The following FHAD1 variants were observed in gnomAD, a reference collection of about 807,000 sequenced individuals.
FHAD1 encodes the protein forkhead associated phosphopeptide binding domain 1.
A neutral mutation model predicts 191.3 loss-of-function variants in FHAD1; 146 were observed. The ratio of observed to expected loss-of-function variants is 0.76; its 90% CI spans 0.67 to 0.88. The LOEUF (loss-of-function observed/expected upper bound fraction) is 0.88, where lower values mean the gene tolerates loss of function less well. FHAD1 is among the 40% of genes least tolerant of loss of function. The pLI is 0.00. For synonymous variants in FHAD1, 616 were observed against 672.3 expected (o/e 0.92, Z 1.29); for missense variants, 1,635 against 1,785.8 (o/e 0.92, Z 1.52).
intron 30 of FHAD1, 21 bp from the exon 31 acceptor site, chr1:15,382,007 C>CCATCTCT (rs1222714550): frequency 6.4e-7 from 1 of 1,550,708 alleles, no homozygotes; most frequent in Non-Finnish European, 8.7e-7. Context: ...AAAACAGACG[C>CCATCTCT]CATCTCTCCT....
chr1:15,271,011 C>T (rs1300871746), intron 2 of FHAD1, among the ~76,000 whole-genome samples: 2 of 151,874 alleles, frequency 1.3e-5, no homozygotes, highest in Non-Finnish European at 2.9e-5. Context: ...TGGTGGCAGG[C>T]GCCTGTAGTC....
intron 1 of FHAD1, among the ~76,000 whole-genome samples, chr1:15,247,947 C>G (rs989828087): frequency 1.3e-5 from 2 of 152,138 alleles, no homozygotes; most frequent in Non-Finnish European, 2.9e-5. Flanking sequence ...CAGAGTTTAA[C>G]GCATCTAATC....
At chr1:15,387,761 C>T (rs1236268075) in intron 31 of FHAD1, among the ~76,000 whole-genome samples, 6 of 152,048 alleles carry the variant, frequency 3.9e-5, no homozygotes, top group Non-Finnish European at 8.8e-5. Context: ...GGCACACGCC[C>T]GTAGTCGCAG....
chr1:15,398,408 C>G (rs1706641441), downstream of FHAD1, among the ~76,000 whole-genome samples: 1 of 152,146 alleles, frequency 6.6e-6, no homozygotes, highest in Non-Finnish European at 1.5e-5. Context: ...TAATCCTCCC[C>G]CTGCCCCTGG....
chr1:15,345,221 G>T, intron 17 of FHAD1, 31 bp downstream of exon 17: 3 of 1,522,660 alleles, frequency 2.0e-6, no homozygotes, highest in South Asian at 1.2e-5. Context: ...GAGTCAGCTC[G>T]AGCCCCACTG....
At chr1:15,340,201 A>C (rs1370488182) in intron 15 of FHAD1, among the ~76,000 whole-genome samples, 1 of 152,270 alleles carries the variant, frequency 6.6e-6, no homozygotes, top group Non-Finnish European at 1.5e-5. Context: ...CACAGGCAGC[A>C]GAATTACTAA....
rs537239376 is a variant in FHAD1 at position 15,352,858 on chromosome 1, C to T, written c.2455-19C>T. The T allele has an allele frequency of 2.1e-4, 322 of 1,543,010 alleles. No homozygotes were observed. The African/African-American group carries it at 3.7e-3, about 18-fold the overall frequency. ...CCTTTGAGGGCACAGGCCCTCAAAC[C>T]ACTTTCATTGACTTCCAGATCTCAG... is the stretch of plus-strand genomic sequence containing the variant. On this transcript the variant is annotated intron_variant, in intron 19 of 33. Transcript: ENST00000688493.
At chr1:15,314,638 GGTGTGTGGGGGT>G (rs2101248287) in intron 8 of FHAD1, 1 of 4,656 alleles carries the variant, frequency 2.1e-4, no homozygotes, top group South Asian at 9.6e-3. Flanking sequence ...GATGTATGTG[GGTGTGTGGGGGT>G]ATGGATGTGT....
chr1:15,395,207 G>A (rs555215431), intron 33 of FHAD1, among the ~76,000 whole-genome samples: 118 of 151,832 alleles, frequency 7.8e-4, no homozygotes, highest in Non-Finnish European at 1.4e-3. Context: ...CCAGGTACTC[G>A]GGAGGCTGAG....
chr1:15,244,906 A>C (rs1344136531), upstream of FHAD1, among the ~76,000 whole-genome samples: 3 of 152,334 alleles, frequency 2.0e-5, no homozygotes, highest in East Asian at 5.8e-4. The surrounding 1 kb of genome is among the most constrained non-coding windows in gnomAD (Gnocchi z 5.1). Context: ...TTTGGCTCAC[A>C]GTTCTGCAGG....
chr1:15,396,078 G>A lies in FHAD1; in HGVS notation c.4324-1219G>A, dbSNP rs2496308. 2.4e-3 allele frequency among the ~76,000 whole-genome samples: 364 copies of A among 152,344 alleles called. 1 individual carries two copies. Among genetic ancestry groups the A allele is most frequent in the African/African-American group, 8.2e-3 (343 of 41,578 alleles). On this transcript the variant is annotated intron_variant, in intron 33 of 33. Transcript: ENST00000688493. ...TAATCCCAGCACTTTGGGAGGCCAA[G>A]GAGAGCAGATCACTTGAGCCCAGGA...
intron 28 of FHAD1, among the ~76,000 whole-genome samples, chr1:15,376,060 T>C (rs1357344947): frequency 1.2e-5 from 1 of 85,790 alleles, no homozygotes; most frequent in Non-Finnish European, 2.4e-5. Context: ...TTTATTTATT[T>C]ATTTATTTAT....
chr1:15,353,806 A>G (rs1691777278), intron 20 of FHAD1, among the ~76,000 whole-genome samples: 1 of 151,912 alleles, frequency 6.6e-6, no homozygotes, highest in Admixed American at 6.6e-5. Context: ...TTTTCCCAGC[A>G]GAGTTTGTCA....
At chr1:15,246,141 GGAGA>G (rs532437235), upstream of FHAD1, among the ~76,000 whole-genome samples, 1 of 152,018 alleles carries the variant, frequency 6.6e-6, no homozygotes. Context: ...TGGTGTAGCA[GGAGA>G]GAGAGAGAGC....
At chr1:15,369,027 T>A (rs1697350631) in intron 25 of FHAD1, among the ~76,000 whole-genome samples, 1 of 151,980 alleles carries the variant, frequency 6.6e-6, no homozygotes, top group Non-Finnish European at 1.5e-5. Flanking sequence ...GTCTGTAAAA[T>A]GAGACAAGCA....
Position 15,329,589 on chromosome 1 carries a change from G to A in FHAD1, c.1906+48G>A, listed in dbSNP as rs528819440. The A allele has an allele frequency of 4.4e-5, 67 of 1,509,040 alleles. No homozygotes were observed. Among genetic ancestry groups the A allele is most frequent in the Middle Eastern group, 1.7e-4 (1 of 5,928 alleles). 93.5% of individuals were successfully genotyped at this position (1,509,040 alleles called of 1,614,324 possible). On this transcript the variant is annotated intron_variant, in intron 14 of 33. Transcript: ENST00000688493. This position sits in a 1 kb window ranked among gnomAD's most constrained non-coding sequence, Gnocchi z 5.0. ...CATGGTTGCATGACTCTAAAATGTC[G>A]CGTTGAATCTCAGCATGATGGGACA...
chr1:15,360,643 G>C lies in FHAD1; in HGVS notation c.2902G>C (p.Val968Leu), dbSNP rs1308697856. ...GAGCCTCGAAGAGAAACTCCAGAAAGTCACTCAGCACCATAAAAAAATAGA... is the reference window on the plus strand; with the variant it reads ...GAGCCTCGAAGAGAAACTCCAGAAACTCACTCAGCACCATAAAAAAATAGA... ...IVSLEEKLQK[V>L]TQHHKKIEGE... The change falls in exon 22 of 34, where the codon GTC (valine) becomes CTC (leucine). Residue 968 changes from valine to leucine, a missense_variant. Val to Leu is a conservative substitution (Grantham distance 32). Transcript: ENST00000688493. 2 of 1,551,958 alleles carry C rather than the reference G, an allele frequency of 1.3e-6. No homozygotes were observed. The highest frequency in any genetic ancestry group is 2.4e-5 in the South Asian group (2 of 84,058).
At position 15,272,462 on chromosome 1, in the gene FHAD1, C is replaced by T. The variant is rs1325830544; in HGVS notation, c.233C>T (p.Pro78Leu). The T allele has an allele frequency of 1.3e-6, 2 of 1,551,210 alleles. No homozygotes were observed. The highest frequency in any genetic ancestry group is 1.7e-6 in the Non-Finnish European group (2 of 1,147,008). Reference sequence around the variant, plus strand: ...CAAAACGTGGCTGTGAAGCTCATCCCTGGAGACATCCTGAGATTTGGGTCT... The same window carrying T: ...CAAAACGTGGCTGTGAAGCTCATCCTTGGAGACATCCTGAGATTTGGGTCT... ...HIQNVAVKLI[P>L]GDILRFGSAG... The change falls in exon 3 of 34, where the codon CCT (proline) becomes CTT (leucine). Residue 78 changes from proline to leucine, a missense_variant. Physicochemically the swap from Pro to Leu is moderately conservative, Grantham distance 98 (BLOSUM62 -3). Transcript: ENST00000688493.
rs944953257 is a variant in FHAD1 at position 15,301,145 on chromosome 1, T to G, written c.679-60T>G. 7.5e-6 allele frequency: 11 copies of G among 1,459,864 alleles called. No individual in the cohort carries two copies. In the Admixed American group the frequency reaches 1.1e-4, roughly 15 times the overall value. The allele number at this position is 1,459,864 out of a possible 1,614,324, so 90.4% of individuals were successfully genotyped here. ...GCACCCGGCCCCTACTTTTTTTTAA[T>G]GGGCTCAGCCTCACACCTAGGCCCA... On this transcript the variant is annotated intron_variant, in intron 5 of 33. Transcript: ENST00000688493.
Sources: allele counts gnomAD v4.1 joint callset (sites outside exome capture counted in the v4.1 genomes callset), GRCh38; gene constraint gnomAD v4.1.1; non-coding constraint Gnocchi (gnomAD v3.1); transcripts MANE v1.5; gene names NCBI Gene and HGNC (gene_info 2026-07-23, HGNC 2026-07-21).